The following LAP3 variants were observed in gnomAD, a reference collection of about 807,000 sequenced individuals.
LAP3 encodes leucine aminopeptidase 3.
LAP3 carries 46 observed loss-of-function variants against 58.8 expected under a neutral mutation model. The observed-to-expected ratio is 0.78, with a 90% CI of 0.62 to 1.00. LAP3 has a LOEUF of 1.00. Among genes scored for constraint, LAP3 ranks in the 50% least tolerant of loss-of-function variants. LAP3 has a pLI of 0.00. For missense variants in LAP3, 615 were observed against 659.1 expected, an observed-to-expected ratio of 0.93 and a Z score of 0.73; for synonymous variants, 257 against 237.7, an observed-to-expected ratio of 1.08 and a Z score of -0.75.
At chr4:17,577,758 C>A (rs1158736016) in intron 1 of LAP3, among the ~76,000 whole-genome samples, 191 bp downstream of exon 1, 1 of 152,226 alleles carries the variant, frequency 6.6e-6, no homozygotes, top group Non-Finnish European at 1.5e-5. Flanking sequence ...GTATTGAGGG[C>A]GCGATTCCCC....
chr4:17,581,962 G>A (rs1395024284), intron 3 of LAP3, 148 bp downstream of exon 3: 9 of 700,566 alleles, frequency 1.3e-5, no homozygotes, highest in African/African-American at 1.1e-4. Context: ...ATTAAGAGGC[G>A]ATTTGCTGTC....
chr4:17,595,566 G>T (rs772661716), intron 8 of LAP3, 32 bp downstream of exon 8: 2 of 1,604,770 alleles, frequency 1.2e-6, no homozygotes. Flanking sequence ...ATCTCATAAC[G>T]CTTCTGGATT....
intron 10 of LAP3, 129 bp from the exon 11 acceptor site, chr4:17,604,459 T>G: frequency 1.5e-6 from 1 of 654,558 alleles, no homozygotes; most frequent in Non-Finnish European, 2.8e-6. Flanking sequence ...AAAGATTTCC[T>G]AAGCTTATCT....
At chr4:17,590,862 G>C (rs777073821) in intron 7 of LAP3, among the ~76,000 whole-genome samples, 2 of 151,118 alleles carry the variant, frequency 1.3e-5, no homozygotes, top group South Asian at 4.2e-4. Context: ...GAGCCACTGC[G>C]CCTGGCCACT....
chr4:17,588,989 G>C lies in LAP3; in HGVS notation c.863+12G>C. ...ATTACCTTTGACAGGTATTTTTTAT[G>C]GTGTCCGTGCTTTGTATTTTGGTGA... On this transcript the variant is annotated intron_variant, in intron 7 of 12. Coordinates refer to ENST00000226299, the MANE Select transcript of LAP3 (RefSeq NM_015907.3). The C allele has an allele frequency of 1.2e-6, 2 of 1,611,934 alleles. No homozygotes were observed. Among genetic ancestry groups the C allele is most frequent in the Non-Finnish European group, 1.7e-6 (2 of 1,178,402 alleles).
At chr4:17,585,373 G>T in intron 6 of LAP3, 1 of 310,558 alleles carries the variant, frequency 3.2e-6, no homozygotes, top group African/African-American at 2.2e-5. Context: ...TTTCATAACT[G>T]TGTTATTCAG....
Position 17,606,374 on chromosome 4 carries a change from C to T in LAP3, c.1261-455C>T, listed in dbSNP as rs146358675. On this transcript the variant is annotated intron_variant, in intron 11 of 12. Transcript: ENST00000226299. ...TTTATTTTTGAGACGGAGCCTCGCT[C>T]TGTCGCCAGGCTGGAGTGCCGTGGC... 9.0e-3 allele frequency among the ~76,000 whole-genome samples: 1,376 copies of T among 152,268 alleles called. 24 individuals carry two copies. The highest frequency in any genetic ancestry group is 0.032 in the African/African-American group (1,328 of 41,554).
intron 11 of LAP3, 121 bp downstream of exon 11, chr4:17,604,788 A>C: frequency 1.3e-6 from 1 of 746,036 alleles, no homozygotes; most frequent in Non-Finnish European, 2.3e-6. Context: ...TTTGCCTTTG[A>C]ATTGAAAATG....
intron 4 of LAP3, 124 bp from the exon 5 acceptor site, chr4:17,583,359 G>C: frequency 1.0e-6 from 1 of 956,708 alleles, no homozygotes; most frequent in Non-Finnish European, 1.6e-6. Context: ...AGAACATTCG[G>C]GTATCAGGGC....
chr4:17,592,903 A>G (rs1300533048), intron 7 of LAP3, among the ~76,000 whole-genome samples: 1 of 152,198 alleles, frequency 6.6e-6, no homozygotes, highest in Non-Finnish European at 1.5e-5. Flanking sequence ...GGTTCAAGCA[A>G]TTCTCCTGCC....
chr4:17,597,927 G>A (rs928746393), intron 9 of LAP3, among the ~76,000 whole-genome samples: 1 of 152,162 alleles, frequency 6.6e-6, no homozygotes, highest in Non-Finnish European at 1.5e-5. Flanking sequence ...TAAAAGAAAG[G>A]AATATAGTTA....
chr4:17,596,839 C>T (rs542359463), intron 8 of LAP3, among the ~76,000 whole-genome samples: 5 of 152,314 alleles, frequency 3.3e-5, no homozygotes, highest in African/African-American at 1.2e-4. Flanking sequence ...AGTTAGACTT[C>T]TTTGGGAAGA....
At chr4:17,589,112 G>T in intron 7 of LAP3, 135 bp downstream of exon 7, 2 of 822,352 alleles carry the variant, frequency 2.4e-6, no homozygotes, top group Non-Finnish European at 3.8e-6. Flanking sequence ...CCAGGCTAGA[G>T]TGCAGTGGCG....
intron 7 of LAP3, among the ~76,000 whole-genome samples, chr4:17,592,838 T>C (rs919752222): frequency 2.0e-5 from 3 of 152,262 alleles, no homozygotes; most frequent in Non-Finnish European, 4.4e-5. Context: ...AGACGGAGTC[T>C]CGCTCTGTCA....
chr4:17,591,574 G>C lies in LAP3; in HGVS notation c.863+2597G>C, dbSNP rs568926297. 4.6e-5 allele frequency among the ~76,000 whole-genome samples: 7 copies of C among 152,330 alleles called. No homozygotes were observed. In the South Asian group the frequency reaches 1.0e-3, roughly 23 times the overall value. The stretch of plus-strand genomic sequence containing the variant: ...GAGGCCTAAACCCAAAGCCTTCTTT[G>C]GGTTTAGAGAAGGTTTCCTTGCAGG... On this transcript the variant is annotated intron_variant, in intron 7 of 12. Transcript: ENST00000226299.
chr4:17,606,781 C>A, intron 11 of LAP3, 48 bp from the exon 12 acceptor site: 1 of 1,315,400 alleles, frequency 7.6e-7, no homozygotes, highest in Non-Finnish European at 1.1e-6. Flanking sequence ...CATGAATTTC[C>A]CACAACCTGC....
In LAP3 at chr4:17,577,378, G is replaced by T; in HGVS notation, c.-88G>T. On this transcript the variant is annotated 5_prime_UTR_variant, in exon 1 of 13. Transcript: ENST00000226299. ...GAGCCAGTCCGCGCGCACGCCGTCT[G>T]CGCCCCGAAAGCCCCGCCCCAAGGC... 1 of 1,015,812 alleles carries T rather than the reference G, an allele frequency of 9.8e-7. No homozygotes were observed. Among genetic ancestry groups the T allele is most frequent in the Non-Finnish European group, 1.4e-6 (1 of 735,630 alleles). 62.9% of individuals were successfully genotyped at this position (1,015,812 alleles called of 1,614,324 possible).
chr4:17,598,367 C>G, intron 9 of LAP3, 89 bp from the exon 10 acceptor site: 1 of 935,216 alleles, frequency 1.1e-6, no homozygotes, highest in Non-Finnish European at 1.8e-6. Context: ...GTAGCTTTTT[C>G]CAACTTTTCC....
chr4:17,594,434 C>A (rs1169376796), intron 7 of LAP3, among the ~76,000 whole-genome samples: 5 of 152,200 alleles, frequency 3.3e-5, no homozygotes, highest in Non-Finnish European at 1.5e-5. Context: ...GGAAAGCAGA[C>A]TTCAGAGCAG....
Sources: allele counts gnomAD v4.1 joint callset (sites outside exome capture counted in the v4.1 genomes callset), GRCh38; gene constraint gnomAD v4.1.1; transcripts MANE v1.5; gene names NCBI Gene and HGNC (gene_info 2026-07-23, HGNC 2026-07-21).